Variants in GRAMD1B observed in about 807,000 individuals in gnomAD.
The protein encoded by GRAMD1B is GRAM domain containing 1B, also known as protein Aster-B.
GRAMD1B carries 37 observed loss-of-function variants against 99.7 expected under a neutral mutation model. The ratio of observed to expected loss-of-function variants is 0.37; its 90% CI spans 0.29 to 0.49. The LOEUF (loss-of-function observed/expected upper bound fraction) is 0.49. Ranked by LOEUF, GRAMD1B falls within the 20% of genes least tolerant of loss-of-function variation. GRAMD1B has a pLI of 0.98. For synonymous variants in GRAMD1B, 427 were observed against 387.6 expected (o/e 1.10, Z -1.19); for missense variants, 888 against 1,009.2 (o/e 0.88, Z 1.63).
chr11:123,450,538 T>C (rs1003002839), intron 1 of GRAMD1B, among the ~76,000 whole-genome samples: 3 of 152,208 alleles, frequency 2.0e-5, no homozygotes, highest in Admixed American at 6.5e-5. Flanking sequence ...TTGGTCCCTA[T>C]TTGTTTAAAA....
At chr11:123,505,156 T>C (rs1940288213) in intron 2 of GRAMD1B, among the ~76,000 whole-genome samples, 3 of 152,222 alleles carry the variant, frequency 2.0e-5, no homozygotes, top group Admixed American at 1.3e-4. Context: ...CTTATTTTAG[T>C]GACTGTCTCA....
At chr11:123,594,599 A>T (rs1951047505) in intron 5 of GRAMD1B, 136 bp from the exon 6 acceptor site, 1 of 629,234 alleles carries the variant, frequency 1.6e-6, no homozygotes, top group East Asian at 2.7e-5. Context: ...TGCTAGTTCA[A>T]GTGTCTGGCA....
At chr11:123,392,439 A>G (rs1048260591) in intron 1 of GRAMD1B, among the ~76,000 whole-genome samples, 2 of 151,640 alleles carry the variant, frequency 1.3e-5, no homozygotes, top group African/African-American at 4.8e-5. Flanking sequence ...GCACAGAGAA[A>G]CCACTCAATA....
Position 123,622,538 on chromosome 11 carries a change from C to T in GRAMD1B, c.2577C>T (p.Gly859=), listed in dbSNP as rs1171277413. The T allele has an allele frequency of 1.9e-6, 3 of 1,558,090 alleles. No homozygotes were observed. Among genetic ancestry groups the T allele is most frequent in the African/African-American group, 2.7e-5 (2 of 72,860 alleles). The change falls in exon 20 of 20, where the codon GGC becomes GGT. Residue 859 remains glycine (G), a synonymous_variant. Transcript: ENST00000635736. The part of the protein sequence containing the change: ...MKDSLINLQN[G]IRSRDYTSES... ...ACTCGCTCATCAACCTTCAGAACGGCATCAGGTCCCGCGACTACACGTCGG... is the reference window on the plus strand; with the variant it reads ...ACTCGCTCATCAACCTTCAGAACGGTATCAGGTCCCGCGACTACACGTCGG...
In GRAMD1B at chr11:123,622,568, T is replaced by A. The variant is rs911438812; in HGVS notation, c.2607T>A (p.Ser869Arg). The A allele has an allele frequency of 5.1e-6, 8 of 1,555,760 alleles. No homozygotes were observed. The highest frequency in any genetic ancestry group is 1.4e-5 in the African/African-American group (1 of 72,968). The change falls in exon 20 of 20, where the codon AGT becomes AGA. Residue 869 changes from serine (S) to arginine (R), a missense_variant. Coordinates refer to ENST00000635736, the MANE Select transcript of GRAMD1B (RefSeq NM_001387025.1). ...GIRSRDYTSE[S>R]EEKRNRYH ...GGTCCCGCGACTACACGTCGGAAAG[T>A]GAAGAAAAGAGGAATCGCTATCATT...
At chr11:123,560,700 G>A (rs1380068477) in intron 2 of GRAMD1B, 1 of 402,802 alleles carries the variant, frequency 2.5e-6, no homozygotes, top group Non-Finnish European at 4.8e-6. Flanking sequence ...GTGTGTGTGT[G>A]TGTGTGTGTG....
rs767104181 is a variant in GRAMD1B at position 123,449,714 on chromosome 11, C to CTTTTTTTTTTTTTT, written c.374+18552_374+18565dup. On this transcript the variant is annotated intron_variant, in intron 1 of 19. Transcript: ENST00000635736. ...TGCAGATGCATGCCACCATGCCTGG[C>CTTTTTTTTTTTTTT]TTTTTTTTTTTTTTTTTGAGACAGG... Among the ~76,000 whole-genome samples, 778 of 99,836 alleles carry CTTTTTTTTTTTTTT rather than the reference C, an allele frequency of 7.8e-3. 102 individuals are homozygous for CTTTTTTTTTTTTTT. The highest frequency in any genetic ancestry group is 0.022 in the African/African-American group (564 of 25,468). The allele number at this position is 99,836 out of a possible 152,430, so 65.5% of individuals were successfully genotyped here.
chr11:123,506,404 T>G (rs931097825), intron 2 of GRAMD1B, among the ~76,000 whole-genome samples: 5 of 152,080 alleles, frequency 3.3e-5, no homozygotes, highest in Non-Finnish European at 7.4e-5. Context: ...TTTGTTTTTT[T>G]TTTTCTGTCT....
At chr11:123,436,643 C>T (rs567661373) in intron 1 of GRAMD1B, among the ~76,000 whole-genome samples, 2 of 152,156 alleles carry the variant, frequency 1.3e-5, no homozygotes, top group South Asian at 4.1e-4. Flanking sequence ...TTCTGCTGTT[C>T]CGTGTAGTGG....
chr11:123,451,149 AGTAGCACTTTACC>A (rs1195893992), intron 1 of GRAMD1B, among the ~76,000 whole-genome samples: 15 of 152,202 alleles, frequency 9.9e-5, no homozygotes, highest in Admixed American at 3.3e-4. Flanking sequence ...TCTTAATTTG[AGTAGCACTTTACC>A]TTTTCAAAAC....
intron 2 of GRAMD1B, among the ~76,000 whole-genome samples, chr11:123,520,812 A>C (rs1215170685): frequency 6.6e-6 from 1 of 150,802 alleles, no homozygotes; most frequent in African/African-American, 2.4e-5. Context: ...GAAAAAGGAA[A>C]ATAAATAATA....
At chr11:123,449,713 G>GTTTTTTTTTTTTTTTTTTTTTTTTTTT (rs1245614513) in intron 1 of GRAMD1B, among the ~76,000 whole-genome samples, 2 of 79,550 alleles carry the variant, frequency 2.5e-5, no homozygotes, top group Admixed American at 1.0e-4. Flanking sequence ...ACCATGCCTG[G>GTTTTTTTTTTTTTTTTTTTTTTTTTTT]CTTTTTTTTT....
intron 2 of GRAMD1B, among the ~76,000 whole-genome samples, chr11:123,535,983 G>A (rs1357389151): frequency 6.6e-6 from 1 of 152,130 alleles, no homozygotes; most frequent in African/African-American, 2.4e-5. Flanking sequence ...GGGATAAATG[G>A]CTGCCCAGAA....
At chr11:123,457,134 A>AAAGAAAGAAAGAAAGGAAGG (rs1555124313) in intron 1 of GRAMD1B, among the ~76,000 whole-genome samples, 2 of 147,490 alleles carry the variant, frequency 1.4e-5, no homozygotes, top group Non-Finnish European at 3.0e-5. Flanking sequence ...AGAAAGAAAG[A>AAAGAAAGAAAGAAAGGAAGG]AAGAATTAGA....
intron 1 of GRAMD1B, among the ~76,000 whole-genome samples, chr11:123,395,464 C>A (rs907734094): frequency 2.0e-5 from 3 of 152,062 alleles, no homozygotes; most frequent in Admixed American, 6.6e-5. Flanking sequence ...TCATTAACAA[C>A]AACAACAACA....
chr11:123,432,219 A>G (rs1020384907), intron 1 of GRAMD1B: 1 of 392,276 alleles, frequency 2.5e-6, no homozygotes, highest in African/African-American at 2.1e-5. Context: ...TAGGTAGAGT[A>G]AGGGGTTGTA....
chr11:123,484,532 T>C (rs1436138865), intron 2 of GRAMD1B, among the ~76,000 whole-genome samples: 1 of 152,204 alleles, frequency 6.6e-6, no homozygotes, highest in African/African-American at 2.4e-5. Context: ...GTTCCCATCC[T>C]GGCCCACTCG....
At chr11:123,517,967 C>A (rs185171275) in intron 2 of GRAMD1B, among the ~76,000 whole-genome samples, 1 of 152,246 alleles carries the variant, frequency 6.6e-6, no homozygotes, top group Non-Finnish European at 1.5e-5. Context: ...CCATCAGTCA[C>A]CCTGAATTTC....
chr11:123,536,714 T>G (rs894586323), intron 2 of GRAMD1B, among the ~76,000 whole-genome samples: 1 of 152,182 alleles, frequency 6.6e-6, no homozygotes, highest in African/African-American at 2.4e-5. Context: ...TTTCTAGTAG[T>G]GCCTTTCTCA....
Sources: gnomAD v4.1 joint callset for allele counts (sites outside exome capture counted in the v4.1 genomes callset) on GRCh38, gnomAD v4.1.1 for gene constraint, MANE v1.5 for transcripts, NCBI Gene and HGNC (gene_info 2026-07-23, HGNC 2026-07-21) for gene names.